Variants in S100PBP observed in about 807,000 individuals in gnomAD.
S100PBP encodes S100P binding protein.
S100PBP carries 15 observed loss-of-function variants against 39.9 expected under a neutral mutation model. The ratio of observed to expected loss-of-function variants is 0.38; its 90% confidence interval spans 0.25 to 0.58. The LOEUF (loss-of-function observed/expected upper bound fraction) is 0.58, where lower values mean the gene tolerates loss of function less well. Ranked by LOEUF, S100PBP falls within the 20% of genes least tolerant of loss-of-function variation. The probability of loss-of-function intolerance (pLI) is 0.70; values close to 1 mark genes in which losing one functional copy is unlikely to be tolerated. For missense variants in S100PBP, 504 were observed against 487.3 expected, an observed-to-expected ratio of 1.03 and a Z score of -0.32; for synonymous variants, 178 against 180.3, an observed-to-expected ratio of 0.99 and a Z score of 0.10.
chr1:32,843,026 T>C (rs1313552292), intron 5 of S100PBP: 1 of 152,244 alleles, frequency 6.6e-6, no homozygotes, highest in African/African-American at 2.4e-5. Context: ...CATATTGTGA[T>C]GCTTTTGTAA....
At chr1:32,852,011 G>A (rs1310598350) in intron 5 of S100PBP, among the ~76,000 whole-genome samples, 2 of 152,158 alleles carry the variant, frequency 1.3e-5, no homozygotes, top group Admixed American at 1.3e-4. Context: ...TCACACAGGA[G>A]CTAGTTGAAT....
chr1:32,822,378 C>T (rs1009973870), intron 1 of S100PBP, among the ~76,000 whole-genome samples: 2 of 151,954 alleles, frequency 1.3e-5, no homozygotes, highest in Admixed American at 1.3e-4. Context: ...TTTGGGAGGC[C>T]GAGGCGGGCG....
chr1:32,835,297 G>GTTTTTC (rs926779193), intron 5 of S100PBP: 2 of 151,626 alleles, frequency 1.3e-5, no homozygotes, highest in African/African-American at 4.8e-5. Flanking sequence ...ACTGTTCTTG[G>GTTTTTC]TTTTTCTTTT....
rs867730732 is a variant in S100PBP at position 32,827,786 on chromosome 1, T to G, written c.832-207T>G. ...ATGAGCCACTACACCTGGCCAGGTT[T>G]TTTTTTTTTTTTTTTTTTTTTAAGA... On this transcript the variant is annotated intron_variant, in intron 3 of 6. Transcript: ENST00000373475. Among the ~76,000 whole-genome samples, 781 of 144,390 alleles carry G rather than the reference T, an allele frequency of 5.4e-3. 28 individuals are homozygous for G. The highest frequency in any genetic ancestry group is 0.011 in the African/African-American group (433 of 39,846). The allele number at this position is 144,390 out of a possible 152,430, so 94.7% of individuals were successfully genotyped here. A position where few individuals can be genotyped will look rare whatever the true frequency, so the allele number is the denominator to read the frequency against.
chr1:32,826,416 C>G lies in S100PBP; in HGVS notation c.317C>G (p.Pro106Arg). Residue 106 changes from proline to arginine, a missense_variant, in exon 3 of 7, where the codon CCA becomes CGA. Coordinates refer to ENST00000373475, the MANE Select transcript of S100PBP (RefSeq NM_022753.4). The stretch of plus-strand genomic sequence containing the variant: ...AAAAATTCATCGTACAGCCTGGGAC[C>G]AGTAGCTGAGACTCCTGACCTCTTC... ...REKNSSYSLG[P>R]VAETPDLFKL... The G allele has an allele frequency of 2.5e-6, 4 of 1,614,026 alleles. No homozygotes were observed. In the South Asian group the frequency reaches 3.3e-5, roughly 13 times the overall value.
At chr1:32,849,325 C>T (rs1276345747) in intron 5 of S100PBP, among the ~76,000 whole-genome samples, 4 of 151,902 alleles carry the variant, frequency 2.6e-5, no homozygotes, top group South Asian at 2.1e-4. Context: ...TTTGTAGAGA[C>T]GGGGTTTCAC....
chr1:32,829,865 A>G, intron 4 of S100PBP, 99 bp from the exon 5 acceptor site: 1 of 783,098 alleles, frequency 1.3e-6, no homozygotes, highest in Non-Finnish European at 2.1e-6. Flanking sequence ...TCTGAAACTT[A>G]GTTCTAATCA....
At chr1:32,829,364 T>A (rs1178283020) in intron 4 of S100PBP, among the ~76,000 whole-genome samples, 2 of 152,236 alleles carry the variant, frequency 1.3e-5, no homozygotes, top group Non-Finnish European at 2.9e-5. Flanking sequence ...TAACCTTGAA[T>A]TACTCAATAA....
intron 3 of S100PBP, 71 bp from the exon 4 acceptor site, chr1:32,827,922 A>G (rs888324095): frequency 3.8e-6 from 4 of 1,042,506 alleles, no homozygotes; most frequent in Non-Finnish European, 1.5e-6. Flanking sequence ...TATTTCCATA[A>G]ATAGTGTTTT....
chr1:32,852,921 T>C (rs1012157207), intron 5 of S100PBP, 158 bp from the exon 6 acceptor site: 1 of 564,666 alleles, frequency 1.8e-6, no homozygotes, highest in African/African-American at 1.9e-5. Flanking sequence ...AATCTCCCCA[T>C]TCTGGTTTAT....
In S100PBP at chr1:32,830,053, A is replaced by G. The variant is rs1047198207; in HGVS notation, c.1010A>G (p.Glu337Gly). The stretch of plus-strand genomic sequence containing the variant: ...GTCATTGCTCATATAGAAGACCCAG[A>G]GGACACTAACCAAGGTAACATGGTA... ...RSVIAHIEDP[E>G]DTNQGISGEL... The change falls in exon 5 of 7, where the codon GAG becomes GGG. Residue 337 changes from glutamate (E) to glycine (G), a missense_variant. Physicochemically the swap from Glu to Gly is moderately conservative, Grantham distance 98. Transcript: ENST00000373475. 1 of 1,607,862 alleles carries G rather than the reference A, an allele frequency of 6.2e-7. No individual in the cohort carries two copies. The highest frequency in any genetic ancestry group is 8.5e-7 in the Non-Finnish European group (1 of 1,174,462).
intron 3 of S100PBP, among the ~76,000 whole-genome samples, chr1:32,827,588 A>G (rs926793729): frequency 7.2e-5 from 11 of 152,130 alleles, no homozygotes; most frequent in East Asian, 1.9e-4. Context: ...GGTTCAAGCA[A>G]TTCTCCTGTC....
chr1:32,817,646 G>A (rs576390231), upstream of S100PBP: 11 of 279,640 alleles, frequency 3.9e-5, no homozygotes, highest in African/African-American at 2.4e-4. Flanking sequence ...AGGGGGCGGA[G>A]TGAGGCGCAG....
In S100PBP at chr1:32,828,244, A is replaced by G. The variant is rs75611635; in HGVS notation, c.920+163A>G. Among the ~76,000 whole-genome samples the G allele has an allele frequency of 0.026, 3,962 of 152,182 alleles. 56 individuals are homozygous for G. Among genetic ancestry groups the G allele is most frequent in the Non-Finnish European group, 0.038 (2,596 of 68,004 alleles). On this transcript the variant is annotated intron_variant, in intron 4 of 6. Transcript: ENST00000373475. ...CAACTATGTGACTTTTGGCAAGTCA[A>G]TTAATCTCTTACCTCAGTTTTTATG...
At position 32,828,022 on chromosome 1, in the gene S100PBP, G is replaced by C. The variant is rs1639417318; in HGVS notation, c.861G>C (p.Lys287Asn). The C allele has an allele frequency of 3.1e-6, 5 of 1,611,744 alleles. No homozygotes were observed. The South Asian group carries it at 5.5e-5, about 18-fold the overall frequency. Residue 287 changes from lysine to asparagine, a missense_variant, in exon 4 of 7, where the codon AAG becomes AAC. Transcript: ENST00000373475. ...ATGTTCTTAACAAGGATTCTGGGAAGATGAAAGGCCATGAGAGAAGACTAG... is the reference window on the plus strand; with the variant it reads ...ATGTTCTTAACAAGGATTCTGGGAACATGAAAGGCCATGAGAGAAGACTAG... ...KQDVLNKDSG[K>N]MKGHERRLGK...
At chr1:32,844,797 C>G (rs1378596538) in intron 5 of S100PBP, among the ~76,000 whole-genome samples, 1 of 151,034 alleles carries the variant, frequency 6.6e-6, no homozygotes. Context: ...CTGTATAGAT[C>G]TATAGAGAGA....
intron 5 of S100PBP, among the ~76,000 whole-genome samples, chr1:32,848,913 TTAAAA>T (rs1476204334): frequency 1.3e-5 from 2 of 152,290 alleles, no homozygotes; most frequent in South Asian, 2.1e-4. Context: ...TTGCCACAAC[TTAAAA>T]TAAACCCATG....
In S100PBP at chr1:32,826,386, G is replaced by A. The variant is rs139848255; in HGVS notation, c.287G>A (p.Arg96Gln). ...AGTCAAATTCTACTTGATACTCCCC[G>A]AGAGAAAAATTCATCGTACAGCCTG... ...RGSQILLDTP[R>Q]EKNSSYSLGP... The change falls in exon 3 of 7, where the codon CGA (arginine) becomes CAA (glutamine). Residue 96 changes from arginine to glutamine, a missense_variant. Transcript: ENST00000373475. The A allele has an allele frequency of 4.2e-4, 670 of 1,614,060 alleles. No individual in the cohort carries two copies. The highest frequency in any genetic ancestry group is 4.7e-4 in the Non-Finnish European group (554 of 1,180,006).
At chr1:32,844,517 C>G (rs1339724671) in intron 5 of S100PBP, among the ~76,000 whole-genome samples, 1 of 152,134 alleles carries the variant, frequency 6.6e-6, no homozygotes, top group Non-Finnish European at 1.5e-5. Context: ...GGTTCTGTCC[C>G]CCAGGCTAGA....
Sources: gnomAD v4.1 joint callset for allele counts (sites outside exome capture counted in the v4.1 genomes callset) on GRCh38, gnomAD v4.1.1 for gene constraint, MANE v1.5 for transcripts, NCBI Gene and HGNC (gene_info 2026-07-23, HGNC 2026-07-21) for gene names.